The following CLYBL variants were observed in gnomAD, a reference collection of about 807,000 sequenced individuals.
The protein encoded by CLYBL is citramalyl-CoA lyase.
Under a neutral mutation model 38.9 loss-of-function variants are expected in CLYBL, and 31 were observed. The observed-to-expected ratio is 0.80, with a 90% CI of 0.60 to 1.08. CLYBL has a LOEUF of 1.08. Among genes scored for constraint, CLYBL ranks in the 50% least tolerant of loss-of-function variants. The pLI, the probability that CLYBL is intolerant of heterozygous loss-of-function variation, is 0.00. For synonymous variants in CLYBL, 171 were observed against 158.6 expected (o/e 1.08, Z -0.59); for missense variants, 434 against 411.6 (o/e 1.05, Z -0.47).
intron 2 of CLYBL, among the ~76,000 whole-genome samples, chr13:99,829,653 A>T (rs560668882): frequency 6.6e-6 from 1 of 152,318 alleles, no homozygotes; most frequent in South Asian, 2.1e-4. Flanking sequence ...TCAAATGATG[A>T]CATTGGACAC....
At chr13:99,908,358 C>T (rs2052718449) in exon 10 of CLYBL, among the ~76,000 whole-genome samples, 1 of 152,144 alleles carries the variant, frequency 6.6e-6, no homozygotes, top group South Asian at 2.1e-4. Flanking sequence ...TGCTTCCAAG[C>T]AGCATGCTAC....
At chr13:99,791,967 A>G (rs1198891034) in intron 2 of CLYBL, among the ~76,000 whole-genome samples, 1 of 152,210 alleles carries the variant, frequency 6.6e-6, no homozygotes, top group Non-Finnish European at 1.5e-5. Context: ...TGGTAGACAA[A>G]GAAAAGACTC....
intron 7 of CLYBL, among the ~76,000 whole-genome samples, chr13:99,886,540 G>A (rs867462378): frequency 2.6e-5 from 4 of 152,236 alleles, no homozygotes; most frequent in Non-Finnish European, 4.4e-5. Context: ...TGAAATCATA[G>A]ACATATGTAT....
chr13:99,702,637 A>G (rs2048085755), intron 1 of CLYBL, among the ~76,000 whole-genome samples: 3 of 152,044 alleles, frequency 2.0e-5, no homozygotes, highest in Admixed American at 1.3e-4. Flanking sequence ...CGTCTCAAAA[A>G]AAAAAAAAAA....
intron 2 of CLYBL, among the ~76,000 whole-genome samples, chr13:99,807,151 G>T (rs1315254811): frequency 6.6e-6 from 1 of 152,152 alleles, no homozygotes; most frequent in South Asian, 2.1e-4. Context: ...AATTCCTGTG[G>T]CTCCTGCTGC....
chr13:99,745,295 A>G (rs964575282), intron 1 of CLYBL, among the ~76,000 whole-genome samples: 1 of 152,176 alleles, frequency 6.6e-6, no homozygotes, highest in African/African-American at 2.4e-5. Context: ...TTCTTTTTGT[A>G]TTTACAAGAA....
At chr13:99,643,929 C>CAGG (rs2047132669) in intron 1 of CLYBL, among the ~76,000 whole-genome samples, 1 of 150,624 alleles carries the variant, frequency 6.6e-6, no homozygotes, top group South Asian at 2.1e-4. Flanking sequence ...CGCTTGAACC[C>CAGG]AGGAGGCGGA....
chr13:99,700,698 G>A (rs910511494), intron 1 of CLYBL, among the ~76,000 whole-genome samples: 5 of 152,142 alleles, frequency 3.3e-5, no homozygotes, highest in African/African-American at 9.7e-5. Context: ...GGCTGTTTGC[G>A]TTTTGTGGAT....
chr13:99,678,084 G>A (rs977027783), intron 1 of CLYBL, among the ~76,000 whole-genome samples: 1 of 152,218 alleles, frequency 6.6e-6, no homozygotes, highest in Non-Finnish European at 1.5e-5. Context: ...ACTGGAAATA[G>A]CCATGCCAGC....
intron 6 of CLYBL, among the ~76,000 whole-genome samples, chr13:99,870,353 G>A (rs1478870786): frequency 2.0e-5 from 3 of 152,026 alleles, no homozygotes; most frequent in Non-Finnish European, 1.5e-5. Flanking sequence ...GGTTAGAATT[G>A]ACACATAAAC....
intron 1 of CLYBL, among the ~76,000 whole-genome samples, chr13:99,666,998 C>T (rs1416857415): frequency 6.6e-6 from 1 of 151,214 alleles, no homozygotes. Context: ...GTCTTGTGCC[C>T]ACCTGAGTGT....
intron 1 of CLYBL, among the ~76,000 whole-genome samples, chr13:99,695,404 C>T (rs1440102737): frequency 4.6e-5 from 7 of 152,002 alleles, no homozygotes; most frequent in Admixed American, 6.6e-5. Flanking sequence ...CAGGGAAAAC[C>T]GCGTTTTTAT....
chr13:99,615,806 A>G (rs921679094), intron 1 of CLYBL, among the ~76,000 whole-genome samples: 3 of 151,988 alleles, frequency 2.0e-5, no homozygotes, highest in Non-Finnish European at 2.9e-5. Context: ...CAGGTTTAGA[A>G]TAGCTGTTAA....
chr13:99,727,657 C>T (rs955653396), intron 1 of CLYBL, among the ~76,000 whole-genome samples: 5 of 151,836 alleles, frequency 3.3e-5, no homozygotes, highest in Non-Finnish European at 7.4e-5. Context: ...CTGGGTTTGT[C>T]TAGATATAAT....
At chr13:99,695,482 C>T (rs1419857860) in intron 1 of CLYBL, among the ~76,000 whole-genome samples, 1 of 151,902 alleles carries the variant, frequency 6.6e-6, no homozygotes, top group Admixed American at 6.6e-5. Flanking sequence ...CTTAGCAAGC[C>T]CGTTCAGATT....
intron 9 of CLYBL, among the ~76,000 whole-genome samples, chr13:99,907,446 G>GAA (rs376686044): frequency 1.4e-5 from 2 of 147,302 alleles, no homozygotes; most frequent in Admixed American, 6.7e-5. Context: ...CACAACACTG[G>GAA]AAAAAAAAAA....
At chr13:99,637,081 T>C (rs901568832) in intron 1 of CLYBL, among the ~76,000 whole-genome samples, 1 of 152,208 alleles carries the variant, frequency 6.6e-6, no homozygotes, top group African/African-American at 2.4e-5. Context: ...GATTTCGCCA[T>C]GTTGGCCAGG....
At chr13:99,633,080 A>G (rs896656561) in intron 1 of CLYBL, among the ~76,000 whole-genome samples, 3 of 151,884 alleles carry the variant, frequency 2.0e-5, no homozygotes, top group Non-Finnish European at 2.9e-5. Flanking sequence ...TCTCTAACTA[A>G]AAATACAAAA....
At chr13:99,857,179 G>T (rs1429908418) in intron 2 of CLYBL, among the ~76,000 whole-genome samples, 1 of 151,908 alleles carries the variant, frequency 6.6e-6, no homozygotes, top group Non-Finnish European at 1.5e-5. Flanking sequence ...GCTGGGTGTG[G>T]TGGCGGGTGC....
Sources: gnomAD v4.1 joint callset for allele counts (sites outside exome capture counted in the v4.1 genomes callset) on GRCh38, gnomAD v4.1.1 for gene constraint, MANE v1.5 for transcripts, NCBI Gene and HGNC (gene_info 2026-07-23, HGNC 2026-07-21) for gene names.